The following DAB1 variants were observed in gnomAD, a reference collection of about 807,000 sequenced individuals.
The protein encoded by DAB1 is DAB adaptor protein 1.
DAB1 carries 15 observed loss-of-function variants against 64.6 expected under a neutral mutation model. The observed-to-expected ratio is 0.23, with a 90% CI of 0.16 to 0.36. The LOEUF is 0.36. DAB1 is among the 10% of genes least tolerant of loss of function. DAB1 has a pLI of 1.00. For missense variants in DAB1, 596 were observed against 706.7 expected, an observed-to-expected ratio of 0.84 and a Z score of 1.78; for synonymous variants, 235 against 251.9, an observed-to-expected ratio of 0.93 and a Z score of 0.64.
At chr1:57,876,046 C>A (rs940624097) in intron 1 of DAB1, 3 of 152,128 alleles carry the variant, frequency 2.0e-5, no homozygotes, top group Admixed American at 1.3e-4. Context: ...AAATCAGTGA[C>A]CAGCCTCGAA....
chr1:58,329,620 A>C (rs1314919591), intron 4 of DAB1, among the ~76,000 whole-genome samples: 1 of 152,202 alleles, frequency 6.6e-6, no homozygotes, highest in Non-Finnish European at 1.5e-5. Context: ...ACCCTGTGAC[A>C]AGCAAGTCTA....
At chr1:57,706,263 T>C (rs184178415) in intron 6 of DAB1, among the ~76,000 whole-genome samples, 21 of 152,114 alleles carry the variant, frequency 1.4e-4, no homozygotes, top group African/African-American at 5.1e-4. Flanking sequence ...TTCTCTACTT[T>C]TTTTCTCTTT....
At chr1:58,140,660 G>A (rs761440974) in intron 5 of DAB1, among the ~76,000 whole-genome samples, 2 of 152,096 alleles carry the variant, frequency 1.3e-5, no homozygotes, top group Non-Finnish European at 2.9e-5. Context: ...ATGAGTCCAT[G>A]AAAGTAGTAG....
chr1:57,307,002 T>G (rs1190469531), intron 1 of DAB1: 2 of 152,156 alleles, frequency 1.3e-5, no homozygotes, highest in Non-Finnish European at 2.9e-5. Flanking sequence ...ACTCGCTTTC[T>G]CCACTCCACA....
intron 1 of DAB1, among the ~76,000 whole-genome samples, chr1:57,848,225 G>A (rs1436220768): frequency 2.0e-5 from 3 of 152,130 alleles, no homozygotes; most frequent in East Asian, 1.9e-4. Flanking sequence ...ATAGACAAAA[G>A]GTGTAGTCTA....
At chr1:57,252,741 G>C (rs1362336496) in intron 2 of DAB1, among the ~76,000 whole-genome samples, 3 of 152,218 alleles carry the variant, frequency 2.0e-5, no homozygotes, top group African/African-American at 7.2e-5. Flanking sequence ...TACAGGCAAA[G>C]ATTCAGAGCT....
intron 3 of DAB1, chr1:58,415,439 T>G (rs564816727): frequency 4.1e-6 from 1 of 244,264 alleles, no homozygotes; most frequent in African/African-American, 2.3e-5. Context: ...TAGGTTCCAC[T>G]GGGCTCTTTC....
intron 5 of DAB1, among the ~76,000 whole-genome samples, chr1:58,081,948 G>C (rs961337778): frequency 1.3e-5 from 2 of 152,088 alleles, no homozygotes; most frequent in African/African-American, 4.8e-5. Context: ...AGCCAACTCT[G>C]AGCCCATGAA....
intron 4 of DAB1, among the ~76,000 whole-genome samples, chr1:57,099,334 T>C (rs1372559765): frequency 1.3e-5 from 2 of 152,246 alleles, no homozygotes; most frequent in African/African-American, 4.8e-5. Context: ...GTGTTTAGCA[T>C]GATGTCTGAG....
chr1:58,196,574 A>T (rs185673023), intron 4 of DAB1, among the ~76,000 whole-genome samples: 1 of 152,312 alleles, frequency 6.6e-6, no homozygotes, highest in East Asian at 1.9e-4. Context: ...TTTACAAAGG[A>T]AAGAGACTTA....
intron 4 of DAB1, among the ~76,000 whole-genome samples, chr1:58,252,313 A>G (rs1660821814): frequency 6.6e-6 from 1 of 152,074 alleles, no homozygotes; most frequent in South Asian, 2.1e-4. Flanking sequence ...CCCTGAACCC[A>G]TCTGTCTTTT....
At chr1:57,365,356 T>C (rs1329907853) in intron 1 of DAB1, among the ~76,000 whole-genome samples, 1 of 143,426 alleles carries the variant, frequency 7.0e-6, no homozygotes, top group Non-Finnish European at 1.5e-5. Context: ...TATATATTTA[T>C]ATATTATATA....
At chr1:58,072,717 T>C (rs990593959) in intron 5 of DAB1, among the ~76,000 whole-genome samples, 2 of 152,222 alleles carry the variant, frequency 1.3e-5, no homozygotes, top group African/African-American at 4.8e-5. Context: ...GCAAAATCTC[T>C]CCAACTCAGC....
chr1:58,306,958 G>C (rs1475260), intron 4 of DAB1, among the ~76,000 whole-genome samples: 15,245 of 152,222 alleles, frequency 0.1, 1,002 homozygotes, highest in Non-Finnish European at 0.14. Flanking sequence ...CAGAAAATTT[G>C]TATGCCCATT....
At chr1:57,757,207 T>TG (rs1648853829) in intron 6 of DAB1, among the ~76,000 whole-genome samples, 2 of 139,996 alleles carry the variant, frequency 1.4e-5, no homozygotes, top group Non-Finnish European at 3.2e-5. Flanking sequence ...AATTTTTTTT[T>TG]TTTTTTTTTT....
chr1:57,977,350 T>C (rs892194957), intron 5 of DAB1, among the ~76,000 whole-genome samples: 1 of 152,224 alleles, frequency 6.6e-6, no homozygotes, highest in African/African-American at 2.4e-5. Context: ...GATTAATCCC[T>C]GTCTTCATTA....
At chr1:57,232,660 C>G (rs1667774560) in intron 2 of DAB1, among the ~76,000 whole-genome samples, 1 of 152,086 alleles carries the variant, frequency 6.6e-6, no homozygotes, top group Non-Finnish European at 1.5e-5. Flanking sequence ...ATCTCTCAAT[C>G]CAAAGCTCTT....
chr1:58,361,687 T>G (rs923880938), intron 3 of DAB1, among the ~76,000 whole-genome samples: 1 of 152,018 alleles, frequency 6.6e-6, no homozygotes, highest in Non-Finnish European at 1.5e-5. Context: ...TGGCTTTCAG[T>G]CTCAGCTCTA....
intron 5 of DAB1, among the ~76,000 whole-genome samples, chr1:58,130,863 C>T (rs1312262593): frequency 6.6e-6 from 1 of 151,986 alleles, no homozygotes; most frequent in African/African-American, 2.4e-5. Flanking sequence ...GAGGGTAACC[C>T]GACCTTTCTC....
Sources: gnomAD v4.1 joint callset for allele counts (sites outside exome capture counted in the v4.1 genomes callset) on GRCh38, gnomAD v4.1.1 for gene constraint, MANE v1.5 for transcripts, NCBI Gene and HGNC (gene_info 2026-07-23, HGNC 2026-07-21) for gene names.